Variants in PCDHGA9 observed in about 807,000 individuals in gnomAD.
The protein encoded by PCDHGA9 is protocadherin gamma-A9.
A neutral mutation model predicts 62.5 loss-of-function variants in PCDHGA9; 37 were observed. The ratio of observed to expected loss-of-function variants is 0.59; its 90% CI spans 0.46 to 0.78. PCDHGA9 has a LOEUF of 0.78. Ranked by LOEUF, PCDHGA9 falls within the 30% of genes least tolerant of loss-of-function variation. The pLI is 0.00. For synonymous variants in PCDHGA9, 459 were observed against 484.6 expected (o/e 0.95, Z 0.69); for missense variants, 1,138 against 1,166.2 (o/e 0.98, Z 0.35).
chr5:141,423,756 GGGGGTGGGGC>G, intron 1 of PCDHGA9: 1 of 448,620 alleles, frequency 2.2e-6, no homozygotes, highest in Non-Finnish European at 3.0e-6. Context: ...TGTTTGGGGG[GGGGGTGGGGC>G]GGCATATATT....
rs762783104 is a variant in PCDHGA9 at position 141,485,601 on chromosome 5, G to A, written c.2425-9206G>A. 4.3e-6 allele frequency: 7 copies of A among 1,612,290 alleles called. No homozygotes were observed. The highest frequency in any genetic ancestry group is 5.9e-6 in the Non-Finnish European group (7 of 1,178,722). On this transcript the variant is annotated intron_variant, in intron 1 of 3. Transcript: ENST00000573521. The surrounding 1 kb of genome is among the most constrained non-coding windows in gnomAD (Gnocchi z 5.7). ...CGGCAGCAGCTGGACTTGGAAATTG[G>A]GGAGGCAGCTCCTCCAGGACAGCGT...
At chr5:141,480,240 CAA>C (rs11374694) in intron 1 of PCDHGA9, among the ~76,000 whole-genome samples, 8 of 114,006 alleles carry the variant, frequency 7.0e-5, no homozygotes, top group Non-Finnish European at 7.5e-5. Flanking sequence ...CCTGTCTCTA[CAA>C]AAAAAAAAAA....
chr5:141,409,018 G>T lies in PCDHGA9; in HGVS notation c.2424+3642G>T, dbSNP rs369210340. The T allele has an allele frequency of 4.0e-5, 64 of 1,613,814 alleles. No individual in the cohort carries two copies. The Admixed American group carries it at 1.1e-3, about 27-fold the overall frequency. ...TGACAGCCACTGACCAGGATGAGGG[G>T]GTCAATGCTGAGATAAACTACTACT... On this transcript the variant is annotated intron_variant, in intron 1 of 3. Transcript: ENST00000573521.
At chr5:141,466,871 T>G (rs1432611218) in intron 1 of PCDHGA9, among the ~76,000 whole-genome samples, 1 of 152,166 alleles carries the variant, frequency 6.6e-6, no homozygotes, top group Admixed American at 6.5e-5. Flanking sequence ...ATCCACACAT[T>G]TTTTTCATAA....
chr5:141,486,401 G>T lies in PCDHGA9; in HGVS notation c.2425-8406G>T. 6.2e-7 allele frequency: 1 copy of T among 1,614,174 alleles called. No individual in the cohort carries two copies. On this transcript the variant is annotated intron_variant, in intron 1 of 3. Transcript: ENST00000573521. The surrounding 1 kb of genome is among the most constrained non-coding windows in gnomAD (Gnocchi z 5.0). ...CAGGAACCAGTTCTCCCTGGTGACT[G>T]CTGGACCCTTGGATCGAGAGGCCAA...
intron 1 of PCDHGA9, chr5:141,408,201 C>A: frequency 6.5e-7 from 1 of 1,549,032 alleles, no homozygotes; most frequent in Non-Finnish European, 8.7e-7. Context: ...CCCGAGCGAA[C>A]GATGGGAGGG....
chr5:141,422,066 A>G, intron 1 of PCDHGA9: 1 of 1,612,154 alleles, frequency 6.2e-7, no homozygotes. Context: ...GAAGTAATGT[A>G]TTCATTTCGG....
chr5:141,434,481 A>G (rs2097697198), intron 1 of PCDHGA9, among the ~76,000 whole-genome samples: 1 of 152,246 alleles, frequency 6.6e-6, no homozygotes, highest in Non-Finnish European at 1.5e-5. Context: ...GGCAAGGAAC[A>G]CCTGGCCCGC....
intron 1 of PCDHGA9, chr5:141,408,674 A>C (rs1005052894): frequency 6.2e-7 from 1 of 1,613,882 alleles, no homozygotes; most frequent in African/African-American, 1.3e-5. Flanking sequence ...TGACCCTGCC[A>C]CGGATCCTGA....
chr5:141,434,517 G>A (rs1476955199), intron 1 of PCDHGA9, among the ~76,000 whole-genome samples: 1 of 152,212 alleles, frequency 6.6e-6, no homozygotes, highest in East Asian at 1.9e-4. Context: ...GCTTAAAGGT[G>A]TTCTTAAACC....
chr5:141,494,556 T>C (rs909822734), intron 1 of PCDHGA9, among the ~76,000 whole-genome samples: 18 of 152,120 alleles, frequency 1.2e-4, no homozygotes, highest in African/African-American at 4.3e-4. Context: ...GCCATTTCTT[T>C]AGGAAAGGAG....
chr5:141,436,120 TC>T (rs2154556955), intron 1 of PCDHGA9, among the ~76,000 whole-genome samples: 1 of 152,344 alleles, frequency 6.6e-6, no homozygotes, highest in South Asian at 2.1e-4. Context: ...GAAACCTCTC[TC>T]CTCCATCATC....
chr5:141,488,518 G>A lies in PCDHGA9; in HGVS notation c.2425-6289G>A, dbSNP rs2233597. On this transcript the variant is annotated intron_variant, in intron 1 of 3. Coordinates refer to ENST00000573521, the MANE Select transcript of PCDHGA9 (RefSeq NM_018921.3). Reference sequence around the variant, plus strand: ...CACTCATTCCACATTTGGGGTCTGGGGTGTCAGAAAAGCTAAGTCCCATGT... The same window carrying A: ...CACTCATTCCACATTTGGGGTCTGGAGTGTCAGAAAAGCTAAGTCCCATGT... Among the ~76,000 whole-genome samples the A allele has an allele frequency of 5.8e-3, 879 of 152,218 alleles. 4 individuals are homozygous for A. The highest frequency in any genetic ancestry group is 0.021 in the African/African-American group (853 of 41,520).
chr5:141,431,375 G>C lies in PCDHGA9; in HGVS notation c.2424+25999G>C. ...ACGCGCCCTGGACCGCGAAGAAAAG[G>C]CTGCTCACCACCTGGTCCTTACGGC... On this transcript the variant is annotated intron_variant, in intron 1 of 3. Transcript: ENST00000573521. This position sits in a 1 kb window ranked among gnomAD's most constrained non-coding sequence, Gnocchi z 4.8. 6.2e-7 allele frequency: 1 copy of C among 1,613,422 alleles called. No individual in the cohort carries two copies. The highest frequency in any genetic ancestry group is 8.5e-7 in the Non-Finnish European group (1 of 1,179,570).
At chr5:141,509,275 G>A (rs185255724) in intron 3 of PCDHGA9, among the ~76,000 whole-genome samples, 1 of 152,096 alleles carries the variant, frequency 6.6e-6, no homozygotes, top group East Asian at 1.9e-4. Flanking sequence ...CTCGCTACCC[G>A]CTCCCAGGGT....
chr5:141,448,851 A>T (rs1374003271), intron 1 of PCDHGA9, among the ~76,000 whole-genome samples: 1 of 152,124 alleles, frequency 6.6e-6, no homozygotes, highest in Admixed American at 6.5e-5. Context: ...AGGCTGAGGC[A>T]GGAGAATGGC....
intron 1 of PCDHGA9, chr5:141,415,663 T>C: frequency 6.3e-7 from 1 of 1,578,204 alleles, no homozygotes; most frequent in Non-Finnish European, 8.6e-7. Flanking sequence ...GATTGGTTTT[T>C]ACTTTGAAGT....
intron 1 of PCDHGA9, chr5:141,419,680 C>T (rs757026598): frequency 9.3e-6 from 15 of 1,612,946 alleles, no homozygotes; most frequent in Non-Finnish European, 1.3e-5. Flanking sequence ...TGTCCTACCA[C>T]GTGGTGCAGG....
intron 1 of PCDHGA9, among the ~76,000 whole-genome samples, chr5:141,492,435 C>T (rs191116850): frequency 8.5e-5 from 13 of 152,348 alleles, no homozygotes; most frequent in Admixed American, 8.5e-4. Context: ...CTCAGGAGTA[C>T]TCGTAGCTGA....
Sources: allele counts gnomAD v4.1 joint callset (sites outside exome capture counted in the v4.1 genomes callset), GRCh38; gene constraint gnomAD v4.1.1; non-coding constraint Gnocchi (gnomAD v3.1); transcripts MANE v1.5; gene names NCBI Gene and HGNC (gene_info 2026-07-23, HGNC 2026-07-21).